The following RPS6KC1 variants were observed in gnomAD, a reference collection of about 807,000 sequenced individuals.
RPS6KC1 encodes ribosomal protein S6 kinase C1, also known as inactive ribosomal protein S6 kinase delta-1.
Under a neutral mutation model 103.8 loss-of-function variants are expected in RPS6KC1, and 54 were observed. The ratio of observed to expected loss-of-function variants is 0.52; its 90% CI spans 0.42 to 0.65. RPS6KC1 has a LOEUF of 0.65. RPS6KC1 is among the 30% of genes least tolerant of loss of function. RPS6KC1 has a pLI of 0.00. For missense variants in RPS6KC1, 1,151 were observed against 1,253.8 expected (o/e 0.92, Z 1.24); for synonymous variants, 439 against 438.7 (o/e 1.00, Z -0.01).
At chr1:213,405,257 A>C in the RPS6KC1 span, among the ~76,000 whole-genome samples, 1 of 152,238 alleles carries the variant, frequency 6.6e-6, no homozygotes, top group African/African-American at 2.4e-5. Flanking sequence ...GGAGGATAGA[A>C]ATCCTTCAAG....
the RPS6KC1 span, among the ~76,000 whole-genome samples, chr1:213,686,798 G>A: frequency 6.6e-6 from 1 of 152,160 alleles, no homozygotes; most frequent in Non-Finnish European, 1.5e-5. Flanking sequence ...CTACTCCATA[G>A]CTCCCTTGGG....
the RPS6KC1 span, among the ~76,000 whole-genome samples, chr1:213,318,257 G>A: frequency 2.6e-5 from 4 of 152,222 alleles, no homozygotes; most frequent in Admixed American, 6.5e-5. Context: ...TTACAGCTGC[G>A]TTTTCCTCTT....
chr1:213,358,767 G>C, the RPS6KC1 span, among the ~76,000 whole-genome samples: 1 of 152,004 alleles, frequency 6.6e-6, no homozygotes, highest in Admixed American at 6.6e-5. Flanking sequence ...CTTTGTTCTC[G>C]TTGGTTTCAA....
the RPS6KC1 span, among the ~76,000 whole-genome samples, chr1:213,673,767 GGTTT>G: frequency 6.6e-6 from 1 of 151,888 alleles, no homozygotes. Context: ...GTGTGAATTG[GGTTT>G]GTTTTTTTCC....
chr1:213,188,577 T>C (rs979069638), intron 8 of RPS6KC1, among the ~76,000 whole-genome samples: 11 of 152,308 alleles, frequency 7.2e-5, no homozygotes, highest in African/African-American at 2.4e-4. Flanking sequence ...CTTGCACTTA[T>C]ATTTCTATGT....
the RPS6KC1 span, among the ~76,000 whole-genome samples, chr1:213,494,968 GA>G: frequency 2.0e-5 from 3 of 152,120 alleles, no homozygotes; most frequent in South Asian, 6.2e-4. Context: ...TCTTGATTTA[GA>G]CTTCTTAGCT....
In RPS6KC1 at chr1:213,241,970, A is replaced by G. The variant is rs901169034; in HGVS notation, c.2494A>G (p.Ile832Val). 5.6e-6 allele frequency: 9 copies of G among 1,614,000 alleles called. No individual in the cohort carries two copies. The highest frequency in any genetic ancestry group is 1.7e-4 in the Middle Eastern group (1 of 6,060). ...TCCACTCTCAGGTGCTAATGAATAT[A>G]TTGCAAGCACAGACACTTTAAAAAC... ...CSPLSGANEY[I>V]ASTDTLKTEE... The change falls in exon 11 of 15, where the codon ATT becomes GTT. Residue 832 changes from isoleucine to valine, a missense_variant. Coordinates refer to ENST00000366960, the MANE Select transcript of RPS6KC1 (RefSeq NM_012424.6).
At chr1:213,360,268 T>G in the RPS6KC1 span, among the ~76,000 whole-genome samples, 1 of 152,210 alleles carries the variant, frequency 6.6e-6, no homozygotes, top group Non-Finnish European at 1.5e-5. Context: ...TTTTATTCTT[T>G]TTTCTCTAAA....
At chr1:213,847,453 T>C in the RPS6KC1 span, among the ~76,000 whole-genome samples, 1 of 152,200 alleles carries the variant, frequency 6.6e-6, no homozygotes, top group Non-Finnish European at 1.5e-5. Context: ...GACCTATCCA[T>C]GATCAGGGCA....
At chr1:213,259,678 TTA>T (rs1217807158) in intron 12 of RPS6KC1, among the ~76,000 whole-genome samples, 2 of 152,160 alleles carry the variant, frequency 1.3e-5, no homozygotes, top group Admixed American at 6.5e-5. Context: ...TTATAGCTTT[TTA>T]TATGTTTATA....
chr1:213,816,229 A>G, the RPS6KC1 span, among the ~76,000 whole-genome samples: 1 of 152,160 alleles, frequency 6.6e-6, no homozygotes, highest in Non-Finnish European at 1.5e-5. Context: ...AAAATGTGAG[A>G]CAGAGACACA....
the RPS6KC1 span, among the ~76,000 whole-genome samples, chr1:213,398,772 A>G: frequency 6.6e-6 from 1 of 151,876 alleles, no homozygotes; most frequent in African/African-American, 2.4e-5. Context: ...TATTTTCTTT[A>G]ATTTCCTCAC....
the RPS6KC1 span, among the ~76,000 whole-genome samples, chr1:213,762,154 G>A: frequency 3.9e-5 from 6 of 152,140 alleles, no homozygotes; most frequent in Non-Finnish European, 1.5e-5. Flanking sequence ...GCGCTGTCTC[G>A]GGCAGGGACT....
chr1:213,084,539 A>G (rs1470150279), intron 3 of RPS6KC1, among the ~76,000 whole-genome samples: 2 of 152,192 alleles, frequency 1.3e-5, no homozygotes, highest in African/African-American at 2.4e-5. Flanking sequence ...TATTACATCA[A>G]TGGAGTTCAG....
At chr1:213,211,266 T>A (rs1244309830) in intron 8 of RPS6KC1, among the ~76,000 whole-genome samples, 1 of 152,256 alleles carries the variant, frequency 6.6e-6, no homozygotes, top group East Asian at 1.9e-4. Flanking sequence ...TGAGCCGAAC[T>A]TGGGCCTATA....
At chr1:213,816,089 G>A in the RPS6KC1 span, among the ~76,000 whole-genome samples, 12 of 152,252 alleles carry the variant, frequency 7.9e-5, no homozygotes, top group Admixed American at 2.0e-4. Flanking sequence ...GATTATGTTC[G>A]CTGTCTTACA....
the RPS6KC1 span, among the ~76,000 whole-genome samples, chr1:213,337,428 C>T: frequency 2.0e-5 from 3 of 152,298 alleles, no homozygotes; most frequent in South Asian, 4.1e-4. Flanking sequence ...GTATGGTTAT[C>T]GTACTAGATT....
At chr1:213,436,934 A>G in the RPS6KC1 span, among the ~76,000 whole-genome samples, 1 of 152,114 alleles carries the variant, frequency 6.6e-6, no homozygotes, top group Non-Finnish European at 1.5e-5. Context: ...AACCAATTAT[A>G]TATCTATGGA....
At chr1:213,560,528 G>A in the RPS6KC1 span, among the ~76,000 whole-genome samples, 1 of 152,122 alleles carries the variant, frequency 6.6e-6, no homozygotes, top group Non-Finnish European at 1.5e-5. Flanking sequence ...ATTAAATTCT[G>A]CCAACAACCT....
Sources: allele counts gnomAD v4.1 joint callset (sites outside exome capture counted in the v4.1 genomes callset), GRCh38; gene constraint gnomAD v4.1.1; transcripts MANE v1.5; gene names NCBI Gene and HGNC (gene_info 2026-07-23, HGNC 2026-07-21).